Variants in LRBA observed in about 807,000 individuals in gnomAD.
LRBA encodes LPS responsive beige-like anchor protein.
In LRBA, 176 loss-of-function variants were observed where a neutral mutation model predicts 330.0. The ratio of observed to expected loss-of-function variants is 0.53; its 90% CI spans 0.47 to 0.60. The LOEUF (loss-of-function observed/expected upper bound fraction) is 0.60, where lower values mean the gene tolerates loss of function less well. Among genes scored for constraint, LRBA ranks in the 20% least tolerant of loss-of-function variants. LRBA has a pLI of 0.00. For synonymous variants in LRBA, 1,230 were observed against 1,193.0 expected (o/e 1.03, Z -0.64); for missense variants, 3,259 against 3,444.8 (o/e 0.95, Z 1.35).
chr4:150,956,403 A>C (rs147116207), intron 2 of LRBA, among the ~76,000 whole-genome samples: 4 of 149,144 alleles, frequency 2.7e-5, no homozygotes, highest in East Asian at 3.9e-4. Flanking sequence ...CAAAACAAAA[A>C]AAAAACTTAG....
At chr4:150,928,460 A>G in intron 4 of LRBA, 56 bp downstream of exon 4, 1 of 1,015,874 alleles carries the variant, frequency 9.8e-7, no homozygotes. Context: ...ACAAGCTACG[A>G]ATGTGTTTGG....
At chr4:150,829,439 T>C (rs1011172562) in intron 29 of LRBA, among the ~76,000 whole-genome samples, 1 of 152,208 alleles carries the variant, frequency 6.6e-6, no homozygotes, top group Admixed American at 6.5e-5. Flanking sequence ...AATAGTCTTA[T>C]CAAGGTCACC....
intron 46 of LRBA, among the ~76,000 whole-genome samples, chr4:150,416,003 C>T (rs4370117): frequency 0.22 from 32,900 of 152,020 alleles, 4,424 homozygotes; most frequent in Non-Finnish European, 0.31. Context: ...CATTAAAATG[C>T]CAATGTCTTG....
chr4:150,854,812 A>G (rs1321973521), intron 22 of LRBA, among the ~76,000 whole-genome samples: 1 of 152,220 alleles, frequency 6.6e-6, no homozygotes, highest in East Asian at 1.9e-4. Flanking sequence ...ATAAAGCAAT[A>G]AACTGAGAAC....
rs1291935840 is a variant in LRBA at position 150,704,314 on chromosome 4, T to C, written c.5755-20597A>G. On this transcript the variant is annotated intron_variant, in intron 36 of 56. Coordinates refer to ENST00000651943, the MANE Select transcript of LRBA (RefSeq NM_001364905.1). ...GCCTAAAATGCTATGTGCCAAAACA[T>C]TGTCTTGCCTCTTGGTGGGGCAAAG... is the stretch of plus-strand genomic sequence containing the variant. Among the ~76,000 whole-genome samples the C allele has an allele frequency of 2.0e-5, 3 of 152,208 alleles. No homozygotes were observed. In the East Asian group the frequency reaches 5.8e-4, roughly 29 times the overall value.
At chr4:150,278,054 G>T in intron 55 of LRBA, 50 bp from the exon 56 acceptor site, 1 of 1,567,656 alleles carries the variant, frequency 6.4e-7, no homozygotes, top group South Asian at 1.1e-5. Flanking sequence ...GGAAACTTTC[G>T]GCCCCCACCC....
At chr4:150,938,910 T>C (rs1735379545) in intron 2 of LRBA, among the ~76,000 whole-genome samples, 1 of 152,232 alleles carries the variant, frequency 6.6e-6, no homozygotes, top group Non-Finnish European at 1.5e-5. Flanking sequence ...ATTCACTGCA[T>C]TTTCTCAGAA....
intron 16 of LRBA, 69 bp from the exon 17 acceptor site, chr4:150,893,218 C>T (rs1729660032): frequency 2.6e-6 from 2 of 764,480 alleles, no homozygotes; most frequent in Non-Finnish European, 4.4e-6. Context: ...ATGAATACTT[C>T]TGAAATAGAA....
chr4:150,878,659 T>C (rs1050934139), intron 17 of LRBA, among the ~76,000 whole-genome samples: 6 of 150,924 alleles, frequency 4.0e-5, no homozygotes, highest in Non-Finnish European at 5.9e-5. Flanking sequence ...AAGTTGATGA[T>C]ACAACCAATC....
intron 47 of LRBA, among the ~76,000 whole-genome samples, chr4:150,365,952 C>T (rs562807196): frequency 1.5e-4 from 23 of 152,174 alleles, no homozygotes; most frequent in African/African-American, 5.3e-4. Context: ...CCGATTGGTT[C>T]TACGTTTCTG....
chr4:150,908,716 A>G lies in LRBA; in HGVS notation c.1303T>C (p.Ser435Pro). ...ATDAQLCLES[S>P]PKDNPSIFVH... ...AAAATTGAAGGGTTGTCCTTAGGAG[A>G]TGATTCAAGACAAAGCTGGGCATCT... Residue 435 changes from serine to proline, a missense_variant, in exon 10 of 57, where the codon TCT (serine) becomes CCT (proline). Ser to Pro is a moderately conservative substitution (Grantham distance 74, BLOSUM62 -1). Coordinates refer to ENST00000651943, the MANE Select transcript of LRBA (RefSeq NM_001364905.1). The G allele has an allele frequency of 1.2e-6, 2 of 1,614,014 alleles. No individual in the cohort carries two copies. Among genetic ancestry groups the G allele is most frequent in the Non-Finnish European group, 1.7e-6 (2 of 1,179,902 alleles).
At chr4:150,332,390 T>G (rs770632731) in intron 48 of LRBA, among the ~76,000 whole-genome samples, 14 of 152,190 alleles carry the variant, frequency 9.2e-5, no homozygotes, top group Non-Finnish European at 1.6e-4. Context: ...TGTAGCAACA[T>G]GCATAAACTT....
intron 50 of LRBA, among the ~76,000 whole-genome samples, chr4:150,320,757 T>G (rs1203529662): frequency 1.3e-5 from 2 of 152,146 alleles, no homozygotes; most frequent in African/African-American, 4.8e-5. Flanking sequence ...CAGCGAGCTA[T>G]GATCACACCA....
chr4:150,813,550 G>C (rs1296931265), intron 31 of LRBA, among the ~76,000 whole-genome samples: 1 of 151,958 alleles, frequency 6.6e-6, no homozygotes, highest in Non-Finnish European at 1.5e-5. Flanking sequence ...ATTTTTATGG[G>C]TTATAAAATT....
intron 47 of LRBA, among the ~76,000 whole-genome samples, chr4:150,391,150 C>G (rs1411829056): frequency 6.6e-6 from 1 of 152,174 alleles, no homozygotes. Context: ...CCTCTACTTA[C>G]TGTTGCCTCT....
intron 42 of LRBA, among the ~76,000 whole-genome samples, chr4:150,484,195 T>C (rs1017645703): frequency 6.6e-6 from 1 of 152,078 alleles, no homozygotes; most frequent in Non-Finnish European, 1.5e-5. Flanking sequence ...TCTCATATAA[T>C]GTTTTTGGCA....
Position 150,472,202 on chromosome 4 carries a change from A to T in LRBA, c.6552-463T>A, listed in dbSNP as rs112601924. 8.4e-3 allele frequency among the ~76,000 whole-genome samples: 1,277 copies of T among 152,162 alleles called. 15 individuals are homozygous for T. The highest frequency in any genetic ancestry group is 0.029 in the African/African-American group (1,214 of 41,542). ...TCAAAGAGAAGGGAGACTCTAAACT[A>T]TTTGGGCGTCTGTTCATGGGGTAAA... On this transcript the variant is annotated intron_variant, in intron 42 of 56. Coordinates refer to ENST00000651943, the MANE Select transcript of LRBA (RefSeq NM_001364905.1).
chr4:150,693,519 C>A (rs1784332712), intron 36 of LRBA, among the ~76,000 whole-genome samples: 1 of 127,432 alleles, frequency 7.8e-6, no homozygotes, highest in Non-Finnish European at 1.6e-5. Context: ...AGCCGAGATC[C>A]CGCCACTGCA....
At chr4:150,953,394 ACGGTCTCCCTC>A (rs938127952) in intron 2 of LRBA, among the ~76,000 whole-genome samples, 1 of 80,364 alleles carries the variant, frequency 1.2e-5, no homozygotes, top group Non-Finnish European at 2.2e-5. Flanking sequence ...CCCTCTTTGC[ACGGTCTCCCTC>A]TGATGCCGAG....
Sources: gnomAD v4.1 joint callset for allele counts (sites outside exome capture counted in the v4.1 genomes callset) on GRCh38, gnomAD v4.1.1 for gene constraint, MANE v1.5 for transcripts, NCBI Gene and HGNC (gene_info 2026-07-23, HGNC 2026-07-21) for gene names.